SNX25: variants seen among roughly 807,000 people sequenced by gnomAD.
SNX25 encodes sorting nexin-25.
Under a neutral mutation model 113.7 loss-of-function variants are expected in SNX25, and 62 were observed. The observed-to-expected ratio is 0.55, with a 90% CI of 0.44 to 0.67. The LOEUF (loss-of-function observed/expected upper bound fraction) is 0.67. Among genes scored for constraint, SNX25 ranks in the 30% least tolerant of loss-of-function variants. The pLI is 0.00. For synonymous variants in SNX25, 421 were observed against 436.2 expected (o/e 0.97, Z 0.43); for missense variants, 1,014 against 1,161.0 (o/e 0.87, Z 1.84).
rs369073412 is a variant in SNX25 at position 185,264,609 on chromosome 4, A to C, written c.903A>C (p.Lys301Asn). 7 of 1,613,730 alleles carry C rather than the reference A, an allele frequency of 4.3e-6. No individual in the cohort carries two copies. The highest frequency in any genetic ancestry group is 1.3e-5 in the African/African-American group (1 of 74,924). The change falls in exon 4 of 19, where the codon AAA (lysine) becomes AAC (asparagine). Residue 301 changes from lysine (K) to asparagine (N), a missense_variant and splice_region_variant. Physicochemically the swap from Lys to Asn is moderately conservative, Grantham distance 94 (BLOSUM62 0). Transcript: ENST00000652585. The part of the protein sequence containing the change: ...RIMLAEILTT[K>N]VLKPVVELLS... ...TGCTTGCAGAAATTCTCACAACAAAAGGTAGACTTATACAGTTGATTTCAC... is the reference window on the plus strand; with the variant it reads ...TGCTTGCAGAAATTCTCACAACAAACGGTAGACTTATACAGTTGATTTCAC...
At chr4:185,244,042 G>C (rs1744475571) in intron 1 of SNX25, among the ~76,000 whole-genome samples, 1 of 152,110 alleles carries the variant, frequency 6.6e-6, no homozygotes, top group Admixed American at 6.6e-5. Flanking sequence ...ATGTTGCCCA[G>C]GCTGGAGTGC....
At chr4:185,233,904 C>G (rs1036468976) in intron 1 of SNX25, among the ~76,000 whole-genome samples, 1 of 152,098 alleles carries the variant, frequency 6.6e-6, no homozygotes, top group African/African-American at 2.4e-5. Flanking sequence ...GTTGCCCAGG[C>G]TGGAGTGCAG....
At position 185,300,791 on chromosome 4, in the gene SNX25, G is replaced by T. The variant is rs540021831; in HGVS notation, c.1163-9844G>T. On this transcript the variant is annotated intron_variant, in intron 6 of 18. Transcript: ENST00000652585. Reference sequence around the variant, plus strand: ...TTTGGGAGGTGATTAGGTCATGAGGGTTTCACCTTCATGCATGGGATTAAT... The same window carrying T: ...TTTGGGAGGTGATTAGGTCATGAGGTTTTCACCTTCATGCATGGGATTAAT... Among the ~76,000 whole-genome samples the T allele has an allele frequency of 3.0e-4, 45 of 150,008 alleles. No homozygotes were observed. In the South Asian group the frequency reaches 3.2e-3, roughly 11 times the overall value.
intron 1 of SNX25, among the ~76,000 whole-genome samples, chr4:185,226,221 C>G (rs868587271): frequency 3.2e-4 from 49 of 152,204 alleles, no homozygotes; most frequent in African/African-American, 1.2e-3. Context: ...GGCGGTGGTG[C>G]CTTTTGGATT....
At chr4:185,352,336 A>C (rs562307571) in intron 14 of SNX25, among the ~76,000 whole-genome samples, 4 of 152,252 alleles carry the variant, frequency 2.6e-5, no homozygotes, top group Non-Finnish European at 5.9e-5. Flanking sequence ...TCTTCACCAG[A>C]GGTGGCTTCG....
chr4:185,359,833 G>A (rs1579928225), intron 16 of SNX25, among the ~76,000 whole-genome samples: 1 of 152,204 alleles, frequency 6.6e-6, no homozygotes, highest in Non-Finnish European at 1.5e-5. Context: ...TGTTGTGAGT[G>A]GTGCATACAT....
At chr4:185,332,905 G>T in intron 10 of SNX25, 146 bp downstream of exon 10, 1 of 865,164 alleles carries the variant, frequency 1.2e-6, no homozygotes, top group African/African-American at 1.7e-5. Context: ...TTCTAGGATA[G>T]AATTAGAAAA....
At chr4:185,376,786 A>G in the SNX25 span, 4 of 660,912 alleles carry the variant, frequency 6.1e-6, no homozygotes, top group East Asian at 2.7e-5. Flanking sequence ...CCACAGCCAT[A>G]GTCGATGTAA....
chr4:185,267,598 G>A (rs1748313244), intron 5 of SNX25, among the ~76,000 whole-genome samples: 1 of 152,050 alleles, frequency 6.6e-6, no homozygotes, highest in Non-Finnish European at 1.5e-5. Flanking sequence ...GGGTGTGGTG[G>A]CACATGCCTG....
chr4:185,339,083 T>C (rs1204947545), intron 10 of SNX25, among the ~76,000 whole-genome samples: 1 of 152,234 alleles, frequency 6.6e-6, no homozygotes, highest in Non-Finnish European at 1.5e-5. Flanking sequence ...TATTAATTCT[T>C]CCAATCCATG....
intron 1 of SNX25, among the ~76,000 whole-genome samples, chr4:185,220,527 G>A (rs1182771992): frequency 7.4e-6 from 1 of 135,520 alleles, no homozygotes; most frequent in Non-Finnish European, 1.5e-5. Flanking sequence ...CTGTCACCCA[G>A]GCTGGGGTGC....
intron 7 of SNX25, among the ~76,000 whole-genome samples, chr4:185,314,005 TC>T (rs751916987): frequency 2.6e-5 from 4 of 152,190 alleles, no homozygotes; most frequent in Non-Finnish European, 5.9e-5. Context: ...CGCATCATCT[TC>T]CTGTTGTCTA....
exon 1 of SNX25, chr4:185,204,245 G>A (rs911076326): frequency 1.3e-5 from 2 of 152,238 alleles, no homozygotes; most frequent in Non-Finnish European, 2.9e-5. Context: ...TGCTGCTCCC[G>A]GCTGCCTAGG....
chr4:185,247,371 G>A lies in SNX25; in HGVS notation c.507G>A (p.Leu169=). ...VVISHNMDKA[L]KEVFDYSYRD... is the part of the protein sequence containing the mutation. ...TTTCTCATAATATGGATAAAGCTCT[G>A]AAAGAAGGTAAGGATTAAATGAGAG... The change falls in exon 2 of 19, where the codon CTG becomes CTA. Residue 169 remains leucine, a synonymous_variant. Coordinates refer to ENST00000652585, the MANE Select transcript of SNX25 (RefSeq NM_001378034.2). 2 of 1,596,572 alleles carry A rather than the reference G, an allele frequency of 1.3e-6. No individual in the cohort carries two copies. The highest frequency in any genetic ancestry group is 8.6e-7 in the Non-Finnish European group (1 of 1,164,698).
chr4:185,220,470 C>T (rs575235619), intron 1 of SNX25, among the ~76,000 whole-genome samples: 1 of 148,476 alleles, frequency 6.7e-6, no homozygotes, highest in East Asian at 2.0e-4. Context: ...AAGTCAGGTC[C>T]CACAACTGAG....
chr4:185,206,660 CAA>C (rs375061067), upstream of SNX25, among the ~76,000 whole-genome samples: 700 of 77,388 alleles, frequency 9.0e-3, 3 homozygotes, highest in African/African-American at 0.033. Flanking sequence ...ACTCTTGTCT[CAA>C]AAAAAAAAAA....
At chr4:185,239,774 C>CTTTTTTTTTT (rs564649102) in intron 1 of SNX25, among the ~76,000 whole-genome samples, 1 of 110,752 alleles carries the variant, frequency 9.0e-6, no homozygotes, top group African/African-American at 3.7e-5. Context: ...TTTTTTTTTT[C>CTTTTTTTTTT]TTTTTTTTTT....
At chr4:185,259,204 T>A in intron 3 of SNX25, 140 bp downstream of exon 3, 1 of 718,854 alleles carries the variant, frequency 1.4e-6, no homozygotes, top group South Asian at 2.0e-5. Context: ...TAAGGGGGAA[T>A]AATTATGTTC....
chr4:185,369,222 G>C lies in SNX25; in HGVS notation c.*1005-528G>C, dbSNP rs558813065. Among the ~76,000 whole-genome samples, 6 of 143,476 alleles carry C rather than the reference G, an allele frequency of 4.2e-5. No homozygotes were observed. The South Asian group carries it at 1.4e-3, about 33-fold the overall frequency. The allele number at this position is 143,476 out of a possible 152,430, so 94.1% of individuals were successfully genotyped here. Reference sequence around the variant, plus strand: ...TTGGTTTGGAAATTGATGTAATACAGAGAGCTTTTTTTTTTTTTTTTTTTT... The same window carrying C: ...TTGGTTTGGAAATTGATGTAATACACAGAGCTTTTTTTTTTTTTTTTTTTT... On this transcript the variant is annotated intron_variant and NMD_transcript_variant, in intron 11 of 11. Transcript: ENST00000504959.
Sources: gnomAD v4.1 joint callset for allele counts (sites outside exome capture counted in the v4.1 genomes callset) on GRCh38, gnomAD v4.1.1 for gene constraint, MANE v1.5 for transcripts, NCBI Gene and HGNC (gene_info 2026-07-23, HGNC 2026-07-21) for gene names.